GSG1L: variants seen among roughly 807,000 people sequenced by gnomAD.
GSG1L encodes GSG1 like, also known as germ cell-specific gene 1-like protein.
Under a neutral mutation model 42.1 loss-of-function variants are expected in GSG1L, and 24 were observed. That is an observed-to-expected ratio of 0.57 (90% CI 0.41 to 0.80). The LOEUF (loss-of-function observed/expected upper bound fraction) is 0.80. Ranked by LOEUF, GSG1L falls within the 30% of genes least tolerant of loss-of-function variation. GSG1L has a pLI of 0.00. For missense variants in GSG1L, 445 were observed against 472.2 expected (o/e 0.94, Z 0.53); for synonymous variants, 215 against 203.5 (o/e 1.06, Z -0.48).
intron 1 of GSG1L, among the ~76,000 whole-genome samples, chr16:27,974,796 T>A (rs1440833023): frequency 6.6e-6 from 1 of 152,152 alleles, no homozygotes; most frequent in Non-Finnish European, 1.5e-5. Flanking sequence ...GTGCCCTGTC[T>A]AGATGGGGAT....
intron 2 of GSG1L, among the ~76,000 whole-genome samples, chr16:27,909,272 T>C (rs2084353331): frequency 6.6e-6 from 1 of 152,180 alleles, no homozygotes; most frequent in South Asian, 2.1e-4. Context: ...CCACACCTCA[T>C]TCACTATCTG....
intron 2 of GSG1L, among the ~76,000 whole-genome samples, chr16:27,948,889 G>A (rs191416897): frequency 7.6e-5 from 8 of 105,500 alleles, no homozygotes; most frequent in African/African-American, 2.0e-4. Flanking sequence ...GATTACAGGT[G>A]TGAACCACCG....
At position 28,063,318 on chromosome 16, in the gene GSG1L, G is replaced by T. The variant is rs1476182205; in HGVS notation, c.107C>A (p.Thr36Lys). 3 of 1,398,368 alleles carry T rather than the reference G, an allele frequency of 2.1e-6. No individual in the cohort carries two copies. Among genetic ancestry groups the T allele is most frequent in the South Asian group, 2.7e-5 (2 of 74,678 alleles). 86.6% of individuals were successfully genotyped at this position (1,398,368 alleles called of 1,614,324 possible). The change falls in exon 1 of 7, where the codon ACG (threonine) becomes AAG (lysine). Residue 36 changes from threonine (T) to lysine (K), a missense_variant. Thr to Lys is a moderately conservative substitution (Grantham distance 78). Coordinates refer to ENST00000447459, the MANE Select transcript of GSG1L (RefSeq NM_001109763.2). This position sits in a 1 kb window ranked among gnomAD's most constrained non-coding sequence, Gnocchi z 5.8. ...AFLTTHWCQG[T>K]QRVPKPGCGQ... ...GCAGCCCGGCTTGGGGACCCGCTGC[G>T]TGCCCTGGCACCAGTGCGTGGTGAG...
chr16:28,058,798 C>T (rs1443799291), intron 1 of GSG1L, among the ~76,000 whole-genome samples: 2 of 152,142 alleles, frequency 1.3e-5, no homozygotes, highest in Non-Finnish European at 2.9e-5. Context: ...ATACTTGTGA[C>T]ACTGTAGCAG....
At chr16:27,807,671 G>A in intron 5 of GSG1L, 117 bp from the exon 6 acceptor site, 2 of 818,436 alleles carry the variant, frequency 2.4e-6, no homozygotes, top group Non-Finnish European at 3.9e-6. Flanking sequence ...ATTTTGCAAA[G>A]TAACTTTCCA....
At chr16:27,910,472 A>T (rs2141051646) in intron 2 of GSG1L, among the ~76,000 whole-genome samples, 1 of 152,324 alleles carries the variant, frequency 6.6e-6, no homozygotes, top group Middle Eastern at 3.4e-3. Flanking sequence ...TAGTCAAGAA[A>T]CTGAGGCATG....
intron 2 of GSG1L, among the ~76,000 whole-genome samples, chr16:27,899,995 C>T (rs2084237875): frequency 6.6e-6 from 1 of 152,186 alleles, no homozygotes. Context: ...CCTCTCTGCA[C>T]CTCCGTTGCT....
intron 1 of GSG1L, among the ~76,000 whole-genome samples, chr16:28,044,617 C>T (rs978966785): frequency 3.5e-5 from 5 of 141,410 alleles, no homozygotes; most frequent in South Asian, 4.6e-4. Flanking sequence ...ATGCAGGCAA[C>T]GAATGCTTTT....
At chr16:27,865,736 T>G (rs2141004779) in intron 3 of GSG1L, among the ~76,000 whole-genome samples, 2 of 151,630 alleles carry the variant, frequency 1.3e-5, no homozygotes, top group South Asian at 4.2e-4. Flanking sequence ...AGGGTCTTGT[T>G]CTGTCACCCA....
chr16:27,827,329 A>T (rs765712126), intron 5 of GSG1L, among the ~76,000 whole-genome samples: 11 of 152,134 alleles, frequency 7.2e-5, no homozygotes, highest in Non-Finnish European at 1.3e-4. Flanking sequence ...ACTGATTGGG[A>T]TAGGCCTGGG....
chr16:27,958,616 C>T (rs1052167994), intron 2 of GSG1L, among the ~76,000 whole-genome samples: 1 of 151,884 alleles, frequency 6.6e-6, no homozygotes, highest in African/African-American at 2.4e-5. Flanking sequence ...ATATTAAATA[C>T]CCAAGGGTGG....
At chr16:27,915,051 A>G (rs2084436543) in intron 2 of GSG1L, among the ~76,000 whole-genome samples, 1 of 152,112 alleles carries the variant, frequency 6.6e-6, no homozygotes, top group African/African-American at 2.4e-5. Flanking sequence ...GCAACCAAGA[A>G]AGGAACAAAT....
chr16:27,996,486 T>C (rs566722971), intron 1 of GSG1L, among the ~76,000 whole-genome samples: 88 of 148,420 alleles, frequency 5.9e-4, no homozygotes, highest in African/African-American at 2.1e-3. Context: ...GGAAGGATCA[T>C]GCCCATTAAA....
intron 3 of GSG1L, among the ~76,000 whole-genome samples, chr16:27,857,993 G>C (rs903588310): frequency 1.3e-5 from 2 of 152,106 alleles, no homozygotes; most frequent in Admixed American, 6.5e-5. Flanking sequence ...CCTTAGCATA[G>C]AACTGAGCCC....
intron 2 of GSG1L, among the ~76,000 whole-genome samples, chr16:27,890,937 C>T (rs894387341): frequency 5.9e-5 from 9 of 152,266 alleles, no homozygotes; most frequent in South Asian, 2.1e-4. Context: ...GCGGCAGACA[C>T]AGCCGGTGCG....
At chr16:27,945,446 C>G (rs1025922305) in intron 2 of GSG1L, among the ~76,000 whole-genome samples, 1 of 152,174 alleles carries the variant, frequency 6.6e-6, no homozygotes, top group Non-Finnish European at 1.5e-5. Flanking sequence ...CCTCCCCCTG[C>G]TCCAGAAGCC....
intron 2 of GSG1L, among the ~76,000 whole-genome samples, chr16:27,959,337 G>GCA (rs372533934): frequency 6.9e-5 from 7 of 100,956 alleles, no homozygotes; most frequent in East Asian, 1.4e-3. Flanking sequence ...GCATGGTGGC[G>GCA]TGCGCCTGTA....
chr16:27,910,836 A>G (rs997579338), intron 2 of GSG1L, among the ~76,000 whole-genome samples: 2 of 152,272 alleles, frequency 1.3e-5, no homozygotes, highest in Non-Finnish European at 2.9e-5. Flanking sequence ...CAGCATAGTG[A>G]AAGCCCATAT....
intron 1 of GSG1L, among the ~76,000 whole-genome samples, chr16:28,032,179 A>T (rs1180412728): frequency 6.6e-6 from 1 of 152,168 alleles, no homozygotes; most frequent in Non-Finnish European, 1.5e-5. Context: ...AGATGCACGA[A>T]CATGATGGGA....
Sources: allele counts gnomAD v4.1 joint callset (sites outside exome capture counted in the v4.1 genomes callset), GRCh38; gene constraint gnomAD v4.1.1; non-coding constraint Gnocchi (gnomAD v3.1); transcripts MANE v1.5; gene names NCBI Gene and HGNC (gene_info 2026-07-23, HGNC 2026-07-21).